ZFPM1: variants seen among roughly 807,000 people sequenced by gnomAD.
ZFPM1 encodes zinc finger protein, FOG family member 1.
A neutral mutation model predicts 46.3 loss-of-function variants in ZFPM1; 28 were observed. The ratio of observed to expected loss-of-function variants is 0.60; its 90% confidence interval spans 0.45 to 0.83. The LOEUF (loss-of-function observed/expected upper bound fraction) is 0.83. Among genes scored for constraint, ZFPM1 ranks in the 40% least tolerant of loss-of-function variants. The pLI is 0.00. For missense variants in ZFPM1, 1,878 were observed against 1,432.4 expected (o/e 1.31, Z -5.02); for synonymous variants, 957 against 675.9 (o/e 1.42, Z -6.45).
intron 1 of ZFPM1, among the ~76,000 whole-genome samples, chr16:88,468,175 G>C (rs1378000246): frequency 8.7e-6 from 1 of 114,428 alleles, no homozygotes. Flanking sequence ...CACAGGCCCT[G>C]ACGCACCCGC....
chr16:88,502,117 C>T (rs973011857), intron 3 of ZFPM1, among the ~76,000 whole-genome samples: 3 of 130,408 alleles, frequency 2.3e-5, no homozygotes, highest in Admixed American at 9.5e-5. Context: ...TTTATCTCTC[C>T]TCCTTCTCTG....
chr16:88,464,841 A>T (rs1908061046), intron 1 of ZFPM1, among the ~76,000 whole-genome samples: 4 of 151,842 alleles, frequency 2.6e-5, no homozygotes, highest in Admixed American at 2.0e-4. Context: ...AATGGAGGAG[A>T]TACCAGCTTC....
At position 88,486,838 on chromosome 16, in the gene ZFPM1, G is replaced by A. The variant is rs114762343; in HGVS notation, c.145+795G>A. ...AGCAGATGGGTGCTGGGTGCACAGTGGATGCTGGGTGCAAGTGGGTGCTGG... is the reference window on the plus strand; with the variant it reads ...AGCAGATGGGTGCTGGGTGCACAGTAGATGCTGGGTGCAAGTGGGTGCTGG... On this transcript the variant is annotated intron_variant, in intron 2 of 9. Coordinates refer to ENST00000319555, the MANE Select transcript of ZFPM1 (RefSeq NM_153813.3). Among the ~76,000 whole-genome samples, 93 of 151,898 alleles carry A rather than the reference G, an allele frequency of 6.1e-4. 1 individual carries two copies. The highest frequency in any genetic ancestry group is 2.0e-3 in the African/African-American group (84 of 41,398).
At chr16:88,486,154 C>A in intron 2 of ZFPM1, 111 bp downstream of exon 2, 2 of 1,113,544 alleles carry the variant, frequency 1.8e-6, no homozygotes, top group Non-Finnish European at 2.6e-6. Flanking sequence ...CAACTATATG[C>A]AGGAGTCCAG....
At chr16:88,501,281 TGCGGGGGCCCTCCC>T (rs1254759600) in intron 3 of ZFPM1, among the ~76,000 whole-genome samples, 5 of 117,554 alleles carry the variant, frequency 4.3e-5, no homozygotes, top group African/African-American at 1.7e-4. Flanking sequence ...TGGGCCTGGG[TGCGGGGGCCCTCCC>T]GCAGGTGCTG....
chr16:88,452,131 C>G (rs934313982), upstream of ZFPM1, among the ~76,000 whole-genome samples: 1 of 152,116 alleles, frequency 6.6e-6, no homozygotes, highest in African/African-American at 2.4e-5. Context: ...CTTATGAGTA[C>G]GGGGGATGGG....
rs555272033 is a variant in ZFPM1, at chr16:88,535,082, G to T, written c.*103G>T. The T allele has an allele frequency of 1.5e-5, 20 of 1,312,400 alleles. No homozygotes were observed. Among genetic ancestry groups the T allele is most frequent in the Non-Finnish European group, 2.0e-5 (20 of 1,020,124 alleles). The allele number at this position is 1,312,400 out of a possible 1,614,324, so 81.3% of individuals were successfully genotyped here. On this transcript the variant is annotated 3_prime_UTR_variant, in exon 10 of 10. Transcript: ENST00000319555. The stretch of plus-strand genomic sequence containing the variant: ...CTGCCGCTCCTGGGAACCCCGCCAC[G>T]CACAGGCCTCGGCGGAGGGGGCCGC...
Position 88,514,416 on chromosome 16 carries a change from C to A in ZFPM1, c.298C>A (p.Gln100Lys). ...GCTGGAGCCGGTGGTGCAGGATGGG[C>A]AGAGGCGCATACGGGCCCGACTCAG... is the stretch of plus-strand genomic sequence containing the variant. The part of the protein sequence containing the change: ...DELEPVVQDG[Q>K]RRIRARLSLA... The change falls in exon 4 of 10, where the codon CAG (glutamine) becomes AAG (lysine). Residue 100 changes from glutamine to lysine, a missense_variant. Gln to Lys is a moderately conservative substitution (Grantham distance 53, BLOSUM62 1). Transcript: ENST00000319555. The A allele has an allele frequency of 6.4e-7, 1 of 1,562,866 alleles. No individual in the cohort carries two copies. The highest frequency in any genetic ancestry group is 1.9e-5 in the Admixed American group (1 of 52,790).
At position 88,533,283 on chromosome 16, in the gene ZFPM1, G is replaced by C. The variant is rs779826409; in HGVS notation, c.1325G>C (p.Arg442Thr). ...ALAEATNGEA[R>T]AEPLAQNGGS... is the part of the protein sequence containing the mutation. ...GCCGAGGCCACCAACGGAGAGGCCA[G>C]AGCGGAGCCTCTGGCCCAGAATGGA... The change falls in exon 10 of 10, where the codon AGA (arginine) becomes ACA (threonine). Residue 442 changes from arginine (R) to threonine (T), a missense_variant. By Grantham distance (71) the Arg-to-Thr change is moderately conservative. Transcript: ENST00000319555. 1.1e-5 allele frequency: 15 copies of C among 1,377,934 alleles called. No individual in the cohort carries two copies. Among genetic ancestry groups the C allele is most frequent in the Middle Eastern group, 1.8e-4 (1 of 5,528 alleles). The allele number at this position is 1,377,934 out of a possible 1,614,324, so 85.4% of individuals were successfully genotyped here.
In ZFPM1 at chr16:88,536,845, A is replaced by G. The variant is rs1363189088; in HGVS notation, c.*1866A>G. On this transcript the variant is annotated 3_prime_UTR_variant, in exon 10 of 10. Transcript: ENST00000319555. ...CGGGGACGGGAGGCACGGACCCCTCAAGTCTGCTCATCATTTGCATTGTTG... is the reference window on the plus strand; with the variant it reads ...CGGGGACGGGAGGCACGGACCCCTCGAGTCTGCTCATCATTTGCATTGTTG... 6.6e-6 allele frequency: 1 copy of G among 152,222 alleles called. No homozygotes were observed. Among genetic ancestry groups the G allele is most frequent in the African/African-American group, 2.4e-5 (1 of 41,440 alleles). 9.4% of individuals were successfully genotyped at this position (152,222 alleles called of 1,614,324 possible). A position where few individuals can be genotyped will look rare whatever the true frequency, so the allele number is the denominator to read the frequency against.
Position 88,535,167 on chromosome 16 carries a change from T to C in ZFPM1, c.*188T>C. On this transcript the variant is annotated 3_prime_UTR_variant, in exon 10 of 10. Transcript: ENST00000319555. ...ATAAAGAAGTTCAGTTTGATGAGCA[T>C]GGTGGTGGGCCAGCCTAGTTCTCTG... 1.6e-6 allele frequency: 1 copy of C among 640,066 alleles called. No homozygotes were observed. Among genetic ancestry groups the C allele is most frequent in the Non-Finnish European group, 2.2e-6 (1 of 444,730 alleles). 39.6% of individuals were successfully genotyped at this position (640,066 alleles called of 1,614,324 possible).
intron 3 of ZFPM1, among the ~76,000 whole-genome samples, chr16:88,513,543 C>G (rs750072596): frequency 6.6e-6 from 1 of 152,134 alleles, no homozygotes; most frequent in Non-Finnish European, 1.5e-5. Flanking sequence ...AGAGGTGGCC[C>G]GGCCTTCCTG....
At chr16:88,477,880 G>C (rs1263808743) in intron 1 of ZFPM1, among the ~76,000 whole-genome samples, 1 of 152,356 alleles carries the variant, frequency 6.6e-6, no homozygotes, top group African/African-American at 2.4e-5. Context: ...CAGCTCCCCA[G>C]GCTTGGCCTG....
intron 1 of ZFPM1, among the ~76,000 whole-genome samples, chr16:88,461,502 C>G (rs1907889660): frequency 6.6e-6 from 1 of 152,178 alleles, no homozygotes; most frequent in South Asian, 2.1e-4. Context: ...GTGGCTGTAT[C>G]TGGGGCCTCT....
intron 1 of ZFPM1, among the ~76,000 whole-genome samples, chr16:88,475,004 G>A (rs548378068): frequency 2.0e-5 from 3 of 152,378 alleles, no homozygotes; most frequent in South Asian, 2.1e-4. Flanking sequence ...CCTGAGGCCC[G>A]TGCTGGGACC....
At position 88,496,095 on chromosome 16, in the gene ZFPM1, G is replaced by A. The variant is rs368441088; in HGVS notation, c.268+6942G>A. ...CTCCATCCCAGAGTCCTCTGGAGCC[G>A]AAGGAGGAGGCTTCCAGAGGGCACC... On this transcript the variant is annotated intron_variant, in intron 3 of 9. Coordinates refer to ENST00000319555, the MANE Select transcript of ZFPM1 (RefSeq NM_153813.3). 7.7e-4 allele frequency among the ~76,000 whole-genome samples: 118 copies of A among 152,284 alleles called. 1 individual carries two copies. In the South Asian group the frequency reaches 0.023, roughly 30 times the overall value.
chr16:88,490,834 G>A (rs1227482626), intron 3 of ZFPM1, among the ~76,000 whole-genome samples: 2 of 152,186 alleles, frequency 1.3e-5, no homozygotes, highest in Non-Finnish European at 2.9e-5. Flanking sequence ...TGTCCCCCAG[G>A]AAGGGGGACC....
In ZFPM1 at chr16:88,460,989, CG is replaced by C. The variant is rs1907816110; in HGVS notation, c.40+7314del. Among the ~76,000 whole-genome samples the C allele has an allele frequency of 1.8e-4, 2 of 11,360 alleles. 1 individual carries two copies. Among genetic ancestry groups the C allele is most frequent in the African/African-American group, 5.6e-4 (2 of 3,578 alleles). The allele number at this position is 11,360 out of a possible 152,430, so 7.5% of individuals were successfully genotyped here. ...GCCTGGTGAGGACCGAGGGGAGGGG[CG>C]GGAGGCCTGGTGAGGACCGAGGGGT... is the stretch of plus-strand genomic sequence containing the variant. On this transcript the variant is annotated intron_variant, in intron 1 of 9. Transcript: ENST00000319555.
chr16:88,502,848 C>T (rs1160087111), intron 3 of ZFPM1, among the ~76,000 whole-genome samples: 3 of 152,134 alleles, frequency 2.0e-5, no homozygotes, highest in Non-Finnish European at 4.4e-5. Context: ...GTTCTAAGGG[C>T]AGCAGAGGCC....
Sources: gnomAD v4.1 joint callset for allele counts (sites outside exome capture counted in the v4.1 genomes callset) on GRCh38, gnomAD v4.1.1 for gene constraint, MANE v1.5 for transcripts, NCBI Gene and HGNC (gene_info 2026-07-23, HGNC 2026-07-21) for gene names.